The following KCNN3 variants were observed in gnomAD, a reference collection of about 807,000 sequenced individuals.
The protein encoded by KCNN3 is potassium calcium-activated channel subfamily N member 3.
A neutral mutation model predicts 62.9 loss-of-function variants in KCNN3; 16 were observed. The ratio of observed to expected loss-of-function variants is 0.25; its 90% confidence interval spans 0.17 to 0.39. The LOEUF (loss-of-function observed/expected upper bound fraction) is 0.39, where lower values mean the gene tolerates loss of function less well. Among genes scored for constraint, KCNN3 ranks in the 10% least tolerant of loss-of-function variants. The pLI is 1.00. For synonymous variants in KCNN3, 370 were observed against 389.2 expected (o/e 0.95, Z 0.58); for missense variants, 599 against 949.4 (o/e 0.63, Z 4.85).
At chr1:154,711,718 C>T (rs925637197) in intron 7 of KCNN3, among the ~76,000 whole-genome samples, 9 of 152,076 alleles carry the variant, frequency 5.9e-5, no homozygotes, top group Non-Finnish European at 1.0e-4. Context: ...CTGATTGGTC[C>T]CAGGGTGGAT....
At chr1:154,798,799 C>A (rs1385305335) in intron 2 of KCNN3, among the ~76,000 whole-genome samples, 1 of 152,150 alleles carries the variant, frequency 6.6e-6, no homozygotes, top group Non-Finnish European at 1.5e-5. Context: ...AGCCAAAATT[C>A]AAATCCTAGT....
At chr1:154,855,738 C>T (rs1339263373) in intron 1 of KCNN3, among the ~76,000 whole-genome samples, 1 of 152,230 alleles carries the variant, frequency 6.6e-6, no homozygotes, top group East Asian at 1.9e-4. Context: ...GAACAATACA[C>T]TGGCACATAA....
In KCNN3 at chr1:154,703,682, G is replaced by A. The variant is rs1213223987; in HGVS notation, c.*4294C>T. Reference sequence around the variant, plus strand: ...CTGTTTGTTGAGTTGCACTCTGGAGGAGGAGGAAGGTTCTGGAACTACGTG... The same window carrying A: ...CTGTTTGTTGAGTTGCACTCTGGAGAAGGAGGAAGGTTCTGGAACTACGTG... On this transcript the variant is annotated 3_prime_UTR_variant, in exon 8 of 8. Coordinates refer to ENST00000271915, the MANE Select transcript of KCNN3 (RefSeq NM_002249.6). 1 of 152,190 alleles carries A rather than the reference G, an allele frequency of 6.6e-6. No homozygotes were observed. Among genetic ancestry groups the A allele is most frequent in the Admixed American group, 6.5e-5 (1 of 15,290 alleles). The allele number at this position is 152,190 out of a possible 1,614,324, so 9.4% of individuals were successfully genotyped here. A position where few individuals can be genotyped will look rare whatever the true frequency, so the allele number is the denominator to read the frequency against.
chr1:154,864,782 T>C (rs991295241), intron 1 of KCNN3, among the ~76,000 whole-genome samples: 1 of 150,838 alleles, frequency 6.6e-6, no homozygotes, highest in African/African-American at 2.4e-5. Context: ...AGGAAATCAG[T>C]GGGGCAGGCG....
chr1:154,775,832 C>T (rs1360543170), intron 2 of KCNN3, among the ~76,000 whole-genome samples: 3 of 152,156 alleles, frequency 2.0e-5, no homozygotes, highest in Admixed American at 6.5e-5. Context: ...AACTGCCGCC[C>T]GACAGGCCAA....
chr1:154,739,631 G>A (rs1482864551), intron 3 of KCNN3, among the ~76,000 whole-genome samples: 1 of 152,150 alleles, frequency 6.6e-6, no homozygotes, highest in Non-Finnish European at 1.5e-5. Context: ...TTTGAGTGTG[G>A]GCTGGACCAA....
rs577172106 is a variant in KCNN3 at position 154,722,215 on chromosome 1, G to A, written c.1701+3701C>T. Among the ~76,000 whole-genome samples the A allele has an allele frequency of 1.2e-3, 186 of 151,950 alleles. 1 individual carries two copies. Among genetic ancestry groups the A allele is most frequent in the African/African-American group, 3.7e-3 (153 of 41,434 alleles). On this transcript the variant is annotated intron_variant, in intron 5 of 7. Coordinates refer to ENST00000271915, the MANE Select transcript of KCNN3 (RefSeq NM_002249.6). ...GCTACAATTCCTTTTTTCGTTTTGC[G>A]TAGGTCTTTGAAGCATCAAGGTTGC...
chr1:154,847,672 A>G (rs1444657473), intron 1 of KCNN3, among the ~76,000 whole-genome samples: 1 of 152,160 alleles, frequency 6.6e-6, no homozygotes, highest in African/African-American at 2.4e-5. Flanking sequence ...CACCATTCCA[A>G]CTGCTTCCCA....
chr1:154,825,814 C>T (rs916680123), intron 1 of KCNN3, among the ~76,000 whole-genome samples: 5 of 150,984 alleles, frequency 3.3e-5, no homozygotes, highest in African/African-American at 4.9e-5. Context: ...TTTGGGAGGC[C>T]GAGGTGGGCA....
chr1:154,781,500 G>C (rs946918068), intron 2 of KCNN3, among the ~76,000 whole-genome samples: 1 of 152,184 alleles, frequency 6.6e-6, no homozygotes, highest in African/African-American at 2.4e-5. Context: ...TAGTTGAAAG[G>C]GTAGAGAAGA....
intron 1 of KCNN3, among the ~76,000 whole-genome samples, chr1:154,856,832 C>A (rs1293184600): frequency 2.0e-5 from 3 of 152,156 alleles, no homozygotes; most frequent in Non-Finnish European, 4.4e-5. Context: ...GTTCTCCTAA[C>A]ACCAGGCTAG....
chr1:154,701,780 C>T lies in KCNN3; in HGVS notation c.*6196G>A, dbSNP rs1699858160. 1 of 152,148 alleles carries T rather than the reference C, an allele frequency of 6.6e-6. No homozygotes were observed. The highest frequency in any genetic ancestry group is 6.5e-5 in the Admixed American group (1 of 15,272). 9.4% of individuals were successfully genotyped at this position (152,148 alleles called of 1,614,324 possible). ...GAAAAGCACATCTGCACACTGGACT[C>T]TTGTTGGGCCTTGTGTAGTTTGGAA... On this transcript the variant is annotated 3_prime_UTR_variant, in exon 8 of 8. Transcript: ENST00000271915.
chr1:154,843,466 T>C (rs1384168107), intron 1 of KCNN3, among the ~76,000 whole-genome samples: 1 of 152,070 alleles, frequency 6.6e-6, no homozygotes, highest in Non-Finnish European at 1.5e-5. Context: ...TTTTTTTTAA[T>C]AGAGATGGGG....
At chr1:154,817,021 G>A (rs1040186495) in intron 2 of KCNN3, among the ~76,000 whole-genome samples, 2 of 152,072 alleles carry the variant, frequency 1.3e-5, no homozygotes, top group Non-Finnish European at 2.9e-5. Context: ...CTCTGTCTGG[G>A]GTATCCTTTC....
chr1:154,832,358 C>G (rs1651409410), intron 1 of KCNN3, among the ~76,000 whole-genome samples: 1 of 152,082 alleles, frequency 6.6e-6, no homozygotes, highest in Admixed American at 6.5e-5. Context: ...GTCCTGACAC[C>G]ATACCTTTAT....
At chr1:154,776,160 G>A (rs946816985) in intron 2 of KCNN3, among the ~76,000 whole-genome samples, 4 of 152,204 alleles carry the variant, frequency 2.6e-5, no homozygotes, top group East Asian at 1.9e-4. Context: ...TGGAGCTGGA[G>A]GTGGGAGAGC....
At chr1:154,755,731 G>T (rs1398003362) in intron 3 of KCNN3, among the ~76,000 whole-genome samples, 1 of 149,932 alleles carries the variant, frequency 6.7e-6, no homozygotes, top group Admixed American at 6.7e-5. Flanking sequence ...AGGAAAAGGA[G>T]AAGAAGAAGG....
intron 2 of KCNN3, among the ~76,000 whole-genome samples, chr1:154,781,221 A>C (rs1506982): frequency 0.087 from 13,268 of 152,240 alleles, 627 homozygotes; most frequent in East Asian, 0.23. Flanking sequence ...CAGAGAAAGA[A>C]AGCCAAGTTT....
At chr1:154,722,611 C>G (rs931405014) in intron 5 of KCNN3, among the ~76,000 whole-genome samples, 3 of 151,900 alleles carry the variant, frequency 2.0e-5, no homozygotes, top group African/African-American at 7.3e-5. Context: ...CCAGGAAGGT[C>G]TCAATCTCCT....
Sources: allele counts gnomAD v4.1 joint callset (sites outside exome capture counted in the v4.1 genomes callset), GRCh38; gene constraint gnomAD v4.1.1; transcripts MANE v1.5; gene names NCBI Gene and HGNC (gene_info 2026-07-23, HGNC 2026-07-21).